The following PHACTR4 variants were observed in gnomAD, a reference collection of about 807,000 sequenced individuals.
The protein encoded by PHACTR4 is protein phosphatase 1, regulatory subunit 124.
Under a neutral mutation model 72.7 loss-of-function variants are expected in PHACTR4, and 51 were observed. That is an observed-to-expected ratio of 0.70 (90% confidence interval 0.56 to 0.89). The LOEUF (loss-of-function observed/expected upper bound fraction) is 0.89, where lower values mean the gene tolerates loss of function less well. PHACTR4 is among the 40% of genes least tolerant of loss of function. PHACTR4 has a pLI of 0.00. For missense variants in PHACTR4, 731 were observed against 861.8 expected, an observed-to-expected ratio of 0.85 and a Z score of 1.90; for synonymous variants, 255 against 302.5, an observed-to-expected ratio of 0.84 and a Z score of 1.63.
chr1:28,494,958 C>T (rs1291540571), intron 13 of PHACTR4, among the ~76,000 whole-genome samples: 1 of 152,114 alleles, frequency 6.6e-6, no homozygotes, highest in Non-Finnish European at 1.5e-5. Context: ...CTGAAATAAT[C>T]TTAGTGAGCA....
intron 2 of PHACTR4, among the ~76,000 whole-genome samples, chr1:28,447,074 G>A (rs531006364): frequency 8.7e-4 from 132 of 151,790 alleles, no homozygotes; most frequent in African/African-American, 2.7e-3. Flanking sequence ...CCAGTGGTGC[G>A]ATCTCAGCTC....
intron 1 of PHACTR4, among the ~76,000 whole-genome samples, chr1:28,390,027 A>G (rs376871827): frequency 6.6e-6 from 1 of 152,224 alleles, no homozygotes; most frequent in Non-Finnish European, 1.5e-5. Context: ...ACGAAATACT[A>G]TTCAGCCTTG....
chr1:28,468,063 C>A (rs150750661), intron 6 of PHACTR4, among the ~76,000 whole-genome samples: 1 of 152,068 alleles, frequency 6.6e-6, no homozygotes, highest in Non-Finnish European at 1.5e-5. Context: ...GTGATTCAAA[C>A]CTTGAAAAAC....
chr1:28,379,233 G>A (rs1036267932), intron 1 of PHACTR4, among the ~76,000 whole-genome samples: 200 of 151,518 alleles, frequency 1.3e-3, no homozygotes, highest in Non-Finnish European at 1.3e-3. Context: ...TGAATTACAC[G>A]CATGAGCCAC....
At chr1:28,425,101 T>A (rs1015247185) in intron 2 of PHACTR4, among the ~76,000 whole-genome samples, 5 of 151,328 alleles carry the variant, frequency 3.3e-5, no homozygotes, top group Non-Finnish European at 5.9e-5. Context: ...CCTTATTTTT[T>A]AAATTTTATT....
chr1:28,462,060 T>G (rs1383684941), intron 4 of PHACTR4, among the ~76,000 whole-genome samples: 1 of 151,864 alleles, frequency 6.6e-6, no homozygotes, highest in East Asian at 1.9e-4. Context: ...CAGGCTGGAG[T>G]GCAGTGGTGT....
chr1:28,426,736 T>TC (rs1553190763), intron 2 of PHACTR4, among the ~76,000 whole-genome samples: 5 of 151,578 alleles, frequency 3.3e-5, no homozygotes, highest in South Asian at 2.1e-4. Flanking sequence ...TTTTTTTTTT[T>TC]AATAGAGACA....
intron 2 of PHACTR4, among the ~76,000 whole-genome samples, chr1:28,417,948 CAAAAAAA>C (rs745690078): frequency 4.8e-5 from 4 of 83,500 alleles, no homozygotes; most frequent in Non-Finnish European, 1.0e-4. Flanking sequence ...GGAGACCCTA[CAAAAAAA>C]AAAAAAAAAA....
At chr1:28,398,051 A>G (rs1356244533) in intron 1 of PHACTR4, among the ~76,000 whole-genome samples, 1 of 152,122 alleles carries the variant, frequency 6.6e-6, no homozygotes, top group East Asian at 1.9e-4. Flanking sequence ...AGCCTGCAGT[A>G]CATGCTTCTG....
chr1:28,456,527 G>C (rs756057027), intron 2 of PHACTR4, among the ~76,000 whole-genome samples: 1 of 152,036 alleles, frequency 6.6e-6, no homozygotes, highest in East Asian at 1.9e-4. Context: ...GCAGTGGCAC[G>C]ATCACAGCTC....
chr1:28,483,427 CA>C (rs1557846305), intron 9 of PHACTR4, among the ~76,000 whole-genome samples: 1 of 150,928 alleles, frequency 6.6e-6, no homozygotes, highest in Non-Finnish European at 1.5e-5. Context: ...CCAGCCCAGT[CA>C]TCAGAGCAAA....
At chr1:28,443,649 C>T (rs998586588) in intron 2 of PHACTR4, among the ~76,000 whole-genome samples, 1 of 151,874 alleles carries the variant, frequency 6.6e-6, no homozygotes, top group South Asian at 2.1e-4. Flanking sequence ...AGGTCTCACT[C>T]TCTTTCCCTG....
intron 2 of PHACTR4, among the ~76,000 whole-genome samples, chr1:28,456,587 G>T (rs1422101631): frequency 1.3e-5 from 2 of 151,696 alleles, no homozygotes; most frequent in African/African-American, 4.8e-5. Flanking sequence ...CCTCAGCCTC[G>T]CAAGTAGCTG....
At chr1:28,439,145 A>T (rs1411464880) in intron 2 of PHACTR4, among the ~76,000 whole-genome samples, 1 of 152,204 alleles carries the variant, frequency 6.6e-6, no homozygotes, top group African/African-American at 2.4e-5. Flanking sequence ...TTTTAAGCAG[A>T]TGTTCATTAA....
chr1:28,443,941 A>G (rs1293045992), intron 2 of PHACTR4, among the ~76,000 whole-genome samples: 7 of 152,008 alleles, frequency 4.6e-5, no homozygotes, highest in Non-Finnish European at 8.8e-5. Flanking sequence ...ATATATTCCC[A>G]GTAATGGTAT....
chr1:28,495,749 T>C (rs572191759), intron 13 of PHACTR4, among the ~76,000 whole-genome samples: 3 of 152,036 alleles, frequency 2.0e-5, no homozygotes, highest in Non-Finnish European at 4.4e-5. Flanking sequence ...CCTCAGTAGC[T>C]GTGACTACAG....
At chr1:28,412,107 A>T (rs1003782893) in intron 2 of PHACTR4, among the ~76,000 whole-genome samples, 1 of 152,178 alleles carries the variant, frequency 6.6e-6, no homozygotes, top group African/African-American at 2.4e-5. Flanking sequence ...CGTTGAAAAA[A>T]ATGTTAAATG....
chr1:28,461,898 T>C (rs528235493), intron 4 of PHACTR4, among the ~76,000 whole-genome samples: 1 of 152,072 alleles, frequency 6.6e-6, no homozygotes, highest in Non-Finnish European at 1.5e-5. Context: ...TATATAACTT[T>C]TGTTTTATAT....
At chr1:28,433,813 G>A (rs917565701) in intron 2 of PHACTR4, among the ~76,000 whole-genome samples, 6 of 150,804 alleles carry the variant, frequency 4.0e-5, no homozygotes, top group African/African-American at 9.8e-5. Context: ...AGACAGTCTC[G>A]CTCTGTCACC....
Sources: gnomAD v4.1 joint callset for allele counts (sites outside exome capture counted in the v4.1 genomes callset) on GRCh38, gnomAD v4.1.1 for gene constraint, MANE v1.5 for transcripts, NCBI Gene and HGNC (gene_info 2026-07-23, HGNC 2026-07-21) for gene names.